HAVCR1: variants seen among roughly 807,000 people sequenced by gnomAD.
HAVCR1 encodes hepatitis A virus cellular receptor 1, also known as T cell immunoglobin domain and mucin domain protein 1.
A neutral mutation model predicts 32.0 loss-of-function variants in HAVCR1; 34 were observed. That is an observed-to-expected ratio of 1.06 (90% CI 0.81 to 1.42). HAVCR1 has a LOEUF of 1.42. Ranked by LOEUF, HAVCR1 falls within the 40% of genes most tolerant of loss-of-function variation. The probability of loss-of-function intolerance (pLI) is 0.00; values close to 1 mark genes in which losing one functional copy is unlikely to be tolerated. For synonymous variants in HAVCR1, 178 were observed against 170.3 expected (o/e 1.05, Z -0.35); for missense variants, 420 against 442.3 (o/e 0.95, Z 0.45).
At chr5:157,062,424 A>G (rs998570667), upstream of HAVCR1, among the ~76,000 whole-genome samples, 14 of 152,206 alleles carry the variant, frequency 9.2e-5, no homozygotes, top group Non-Finnish European at 1.6e-4. Context: ...CTTTCTTGCA[A>G]TCACCACTTA....
At chr5:157,048,322 T>G (rs944458495) in intron 5 of HAVCR1, among the ~76,000 whole-genome samples, 1 of 152,188 alleles carries the variant, frequency 6.6e-6, no homozygotes, top group African/African-American at 2.4e-5. Flanking sequence ...ACTGGTTGAT[T>G]TGATTTCTAA....
At chr5:157,059,438 G>A (rs1297857899), upstream of HAVCR1, among the ~76,000 whole-genome samples, 1 of 152,190 alleles carries the variant, frequency 6.6e-6, no homozygotes. Context: ...CACTTTGGGA[G>A]GCCGAGTAGG....
At chr5:157,037,084 C>G (rs1334063183) in intron 7 of HAVCR1, 163 bp downstream of exon 7, 4 of 628,646 alleles carry the variant, frequency 6.4e-6, no homozygotes, top group South Asian at 3.7e-5. Context: ...TTCCCTTCCC[C>G]CTTGAGGTAG....
chr5:157,058,179 C>T, intron 1 of HAVCR1: 1 of 483,586 alleles, frequency 2.1e-6, no homozygotes, highest in Non-Finnish European at 3.7e-6. Flanking sequence ...AAGCTGTCCA[C>T]AGAAACAGCC....
At chr5:157,060,853 T>C (rs1756474035), upstream of HAVCR1, among the ~76,000 whole-genome samples, 1 of 152,156 alleles carries the variant, frequency 6.6e-6, no homozygotes, top group Non-Finnish European at 1.5e-5. Flanking sequence ...TAGCCACATA[T>C]GACTATTGAG....
At position 157,052,626 on chromosome 5, in the gene HAVCR1, T is replaced by C. The variant is rs756388869; in HGVS notation, c.408A>G (p.Thr136=). The change falls in exon 4 of 9, where the codon ACA becomes ACG. Residue 136 remains threonine (T), a synonymous_variant. Transcript: ENST00000523175. ...PPKVTTTPIV[T]TVPTVTTVRT... The stretch of plus-strand genomic sequence containing the variant: ...GAACAGTCGTGACGGTTGGAACAGT[T>C]GTGACAATTGGAGTAGTCGTGACCT... The C allele has an allele frequency of 6.2e-6, 10 of 1,613,988 alleles. No individual in the cohort carries two copies. Among genetic ancestry groups the C allele is most frequent in the Non-Finnish European group, 8.5e-6 (10 of 1,179,964 alleles).
In HAVCR1 at chr5:157,042,614, G is replaced by T; in HGVS notation, c.837+13C>A. 1 of 1,537,920 alleles carries T rather than the reference G, an allele frequency of 6.5e-7. No homozygotes were observed. Among genetic ancestry groups the T allele is most frequent in the Non-Finnish European group, 9.0e-7 (1 of 1,113,198 alleles). On this transcript the variant is annotated intron_variant, in intron 6 of 8. Transcript: ENST00000523175. ...GTGAATCTGGCTAATCAAATAGGGC[G>T]GAATATGCTTACAGTTTGATTGTTA...
intron 7 of HAVCR1, among the ~76,000 whole-genome samples, chr5:157,037,004 A>T (rs920040001): frequency 6.6e-6 from 1 of 152,110 alleles, no homozygotes; most frequent in East Asian, 1.9e-4. Context: ...AGCTAGGATT[A>T]CAGGCATAAG....
At chr5:157,053,830 A>G (rs1442919666) in intron 3 of HAVCR1, among the ~76,000 whole-genome samples, 1 of 151,380 alleles carries the variant, frequency 6.6e-6, no homozygotes, top group Non-Finnish European at 1.5e-5. Context: ...AGATCGCATC[A>G]CTGCACCCCA....
At chr5:157,056,932 G>A (rs1476073223) in intron 2 of HAVCR1, among the ~76,000 whole-genome samples, 1 of 152,134 alleles carries the variant, frequency 6.6e-6, no homozygotes, top group African/African-American at 2.4e-5. Flanking sequence ...TAGGCCAGAT[G>A]TGGTGGCTAA....
At position 157,058,067 on chromosome 5, in the gene HAVCR1, T is replaced by A. The variant is rs1336289992; in HGVS notation, c.-12-112A>T. On this transcript the variant is annotated intron_variant, in intron 1 of 8. Coordinates refer to ENST00000523175, the MANE Select transcript of HAVCR1 (RefSeq NM_001173393.3). ...TTTTCACCCAGTTGGTTGATTCATA[T>A]GAGCCTGCTCTGCTGGAAATGAGAG... 35 of 757,100 alleles carry A rather than the reference T, an allele frequency of 4.6e-5. No homozygotes were observed. The East Asian group carries it at 8.9e-4, about 19-fold the overall frequency. 46.9% of individuals were successfully genotyped at this position (757,100 alleles called of 1,614,324 possible). A position where few individuals can be genotyped will look rare whatever the true frequency, so the allele number is the denominator to read the frequency against.
intron 5 of HAVCR1, among the ~76,000 whole-genome samples, chr5:157,044,625 GAAAGAAAGAAAGAAAGAA>G (rs1755225713): frequency 1.2e-4 from 6 of 51,928 alleles, no homozygotes; most frequent in African/African-American, 3.4e-4. Flanking sequence ...GAGAAAGAAA[GAAAGAAAGAAAGAAAGAA>G]AGAAAGAAAG....
chr5:157,053,961 A>G (rs1411687691), intron 3 of HAVCR1, among the ~76,000 whole-genome samples: 1 of 151,918 alleles, frequency 6.6e-6, no homozygotes, highest in Non-Finnish European at 1.5e-5. Flanking sequence ...CAAGTGGATC[A>G]CTTGAGCCCA....
intron 7 of HAVCR1, among the ~76,000 whole-genome samples, chr5:157,033,255 TACTTTA>T (rs1374399628): frequency 6.6e-6 from 1 of 152,184 alleles, no homozygotes; most frequent in Non-Finnish European, 1.5e-5. Flanking sequence ...GTCATAAAGA[TACTTTA>T]AGAGTCACCT....
chr5:157,064,295 T>C, the HAVCR1 span, among the ~76,000 whole-genome samples: 2 of 146,058 alleles, frequency 1.4e-5, no homozygotes, highest in Middle Eastern at 3.4e-3. Flanking sequence ...GGAGGACTGC[T>C]TGAGCCCAGG....
chr5:157,041,283 A>G (rs1754876050), intron 6 of HAVCR1, among the ~76,000 whole-genome samples: 2 of 152,124 alleles, frequency 1.3e-5, no homozygotes, highest in Non-Finnish European at 2.9e-5. Flanking sequence ...GGATCACTTG[A>G]GATCAGAAGT....
chr5:157,057,450 AGAAAGAAAGAAAGAGAATTG>A (rs1434996439), intron 2 of HAVCR1, among the ~76,000 whole-genome samples: 3 of 135,876 alleles, frequency 2.2e-5, no homozygotes, highest in African/African-American at 7.8e-5. Flanking sequence ...AAAGAAAGAA[AGAAAGAAAGAAAGAGAATTG>A]AATGTGGCTG....
chr5:157,029,647 T>C lies in HAVCR1; in HGVS notation c.*86A>G, dbSNP rs1754046570. 1 of 1,586,972 alleles carries C rather than the reference T, an allele frequency of 6.3e-7. No homozygotes were observed. The highest frequency in any genetic ancestry group is 1.3e-5 in the African/African-American group (1 of 74,506). ...TGAAACTGAAACAGAAAAATTGTCT[T>C]GGGGTCTAAAAGACGTCTGATGTGC... On this transcript the variant is annotated 3_prime_UTR_variant, in exon 9 of 9. Transcript: ENST00000523175.
intron 7 of HAVCR1, among the ~76,000 whole-genome samples, chr5:157,036,145 C>T (rs112237485): frequency 0.013 from 2,002 of 152,132 alleles, 59 homozygotes; most frequent in African/African-American, 0.047. Context: ...GAGTTTGAGA[C>T]CAGCCTAGCC....
Sources: gnomAD v4.1 joint callset for allele counts (sites outside exome capture counted in the v4.1 genomes callset) on GRCh38, gnomAD v4.1.1 for gene constraint, MANE v1.5 for transcripts, NCBI Gene and HGNC (gene_info 2026-07-23, HGNC 2026-07-21) for gene names.